TRHDE: variants seen among roughly 807,000 people sequenced by gnomAD.
The protein encoded by TRHDE is thyrotropin-releasing hormone-degrading ectoenzyme.
TRHDE carries 72 observed loss-of-function variants against 125.7 expected under a neutral mutation model. That is an observed-to-expected ratio of 0.57 (90% confidence interval 0.47 to 0.70). The LOEUF is 0.70. Ranked by LOEUF, TRHDE falls within the 30% of genes least tolerant of loss-of-function variation. TRHDE has a pLI of 0.00. For missense variants in TRHDE, 1,110 were observed against 1,327.1 expected (o/e 0.84, Z 2.54); for synonymous variants, 509 against 509.1 (o/e 1.00, Z 0.00).
At chr12:72,479,576 A>C (rs996133834) in intron 5 of TRHDE, among the ~76,000 whole-genome samples, 3 of 152,142 alleles carry the variant, frequency 2.0e-5, no homozygotes, top group African/African-American at 7.2e-5. Context: ...CCTTTCCTAT[A>C]TGAATTTTTA....
At chr12:72,607,598 C>T (rs1472656563) in intron 12 of TRHDE, among the ~76,000 whole-genome samples, 2 of 152,036 alleles carry the variant, frequency 1.3e-5, no homozygotes, top group Non-Finnish European at 2.9e-5. Flanking sequence ...CTAGCATGCT[C>T]CATAGTGACC....
intron 2 of TRHDE, among the ~76,000 whole-genome samples, chr12:72,129,100 A>T (rs1184062741): frequency 2.0e-5 from 3 of 152,228 alleles, no homozygotes; most frequent in Non-Finnish European, 2.9e-5. Flanking sequence ...TTCTCTCTGA[A>T]AACAGTGTAA....
chr12:72,378,497 G>A (rs1156323706), intron 3 of TRHDE, among the ~76,000 whole-genome samples: 1 of 152,130 alleles, frequency 6.6e-6, no homozygotes, highest in African/African-American at 2.4e-5. Context: ...GACCCAGGGA[G>A]TTTTCCATTC....
chr12:72,357,066 T>C (rs971473112), intron 2 of TRHDE, among the ~76,000 whole-genome samples: 11 of 151,560 alleles, frequency 7.3e-5, no homozygotes, highest in Non-Finnish European at 1.3e-4. Context: ...CTTTTATGTA[T>C]ACTTAAAACT....
intron 12 of TRHDE, among the ~76,000 whole-genome samples, chr12:72,600,369 G>A (rs541723651): frequency 3.9e-5 from 6 of 151,986 alleles, no homozygotes; most frequent in East Asian, 1.9e-4. Context: ...TAATGATATC[G>A]ATTCTTCCAA....
intron 7 of TRHDE, among the ~76,000 whole-genome samples, chr12:72,552,719 T>TG: frequency 6.6e-6 from 1 of 152,036 alleles, no homozygotes. Flanking sequence ...AAAGAGTGAA[T>TG]GGGAATGTGG....
chr12:72,401,412 T>C (rs1437695693), intron 3 of TRHDE, among the ~76,000 whole-genome samples: 2 of 152,186 alleles, frequency 1.3e-5, no homozygotes, highest in Non-Finnish European at 2.9e-5. Flanking sequence ...GCAGCTTGCC[T>C]AGAATCACAT....
rs1870248630 is a variant in TRHDE, at chr12:72,562,879, A to G, written c.1881A>G (p.Val627=). 6.3e-7 allele frequency: 1 copy of G among 1,583,392 alleles called. No homozygotes were observed. The highest frequency in any genetic ancestry group is 1.4e-5 in the African/African-American group (1 of 73,580). ...SEALKRNGKY[V]NIQEVMDQWT... ...CTTTAAAAAGAAATGGGAAATATGT[A>G]AATATACAAGAAGTAATGGATCAGT... Residue 627 remains valine (V), a synonymous_variant, in exon 9 of 19, where the codon GTA becomes GTG. Transcript: ENST00000261180.
intron 13 of TRHDE, among the ~76,000 whole-genome samples, chr12:72,619,393 G>T (rs941662432): frequency 2.0e-5 from 3 of 152,082 alleles, no homozygotes; most frequent in Non-Finnish European, 2.9e-5. Flanking sequence ...CAGAATATAG[G>T]CATTTTCAGT....
intron 2 of TRHDE, among the ~76,000 whole-genome samples, chr12:72,328,231 G>T (rs180891915): frequency 4.6e-5 from 7 of 152,154 alleles, no homozygotes; most frequent in East Asian, 1.9e-4. Context: ...TTCTATAAAG[G>T]TTCCCCTTGA....
At chr12:72,596,848 T>A (rs770521893) in intron 12 of TRHDE, among the ~76,000 whole-genome samples, 1 of 152,202 alleles carries the variant, frequency 6.6e-6, no homozygotes, top group Non-Finnish European at 1.5e-5. Flanking sequence ...GAAAACATTT[T>A]AAAAAATCAG....
chr12:72,325,662 T>C (rs1270288330), intron 2 of TRHDE, among the ~76,000 whole-genome samples: 1 of 152,188 alleles, frequency 6.6e-6, no homozygotes. Flanking sequence ...TCTGTGATTT[T>C]AATCAATGTT....
chr12:72,396,203 A>C (rs1407533854), intron 3 of TRHDE, among the ~76,000 whole-genome samples: 1 of 152,248 alleles, frequency 6.6e-6, no homozygotes, highest in East Asian at 1.9e-4. Context: ...TGTTTTAAGC[A>C]AATAAGAAAC....
chr12:72,192,285 T>C (rs1408707768), intron 2 of TRHDE, among the ~76,000 whole-genome samples: 1 of 152,110 alleles, frequency 6.6e-6, no homozygotes, highest in Non-Finnish European at 1.5e-5. Context: ...TCCCAAGTGA[T>C]ATCGATGCTT....
At chr12:72,365,476 C>T (rs545153412) in intron 2 of TRHDE, among the ~76,000 whole-genome samples, 1 of 152,164 alleles carries the variant, frequency 6.6e-6, no homozygotes, top group Middle Eastern at 3.4e-3. Flanking sequence ...TTGTGGGACA[C>T]TTGGAGAAAA....
intron 2 of TRHDE, among the ~76,000 whole-genome samples, chr12:72,353,748 A>T (rs1870688379): frequency 6.6e-6 from 1 of 151,668 alleles, no homozygotes; most frequent in Non-Finnish European, 1.5e-5. Context: ...CCTTACCACA[A>T]TCAAATTTGC....
In TRHDE at chr12:72,665,825, A is replaced by G. The variant is rs34096147; in HGVS notation, c.*2630A>G. ...CATTGAGTATTAAACATTTCCAGGTAACTCGTAAATAAAAAGATTTCCCCA... is the reference window on the plus strand; with the variant it reads ...CATTGAGTATTAAACATTTCCAGGTGACTCGTAAATAAAAAGATTTCCCCA... On this transcript the variant is annotated 3_prime_UTR_variant, in exon 19 of 19. Coordinates refer to ENST00000261180, the MANE Select transcript of TRHDE (RefSeq NM_013381.3). 1 of 152,082 alleles carries G rather than the reference A, an allele frequency of 6.6e-6. No homozygotes were observed. Among genetic ancestry groups the G allele is most frequent in the East Asian group, 1.9e-4 (1 of 5,174 alleles). The allele number at this position is 152,082 out of a possible 1,614,324, so 9.4% of individuals were successfully genotyped here.
intron 2 of TRHDE, among the ~76,000 whole-genome samples, chr12:72,158,955 G>T (rs913082829): frequency 1.3e-5 from 2 of 152,130 alleles, no homozygotes; most frequent in African/African-American, 4.8e-5. Flanking sequence ...GCCAAGTGCT[G>T]AATACCCCTC....
intron 18 of TRHDE, among the ~76,000 whole-genome samples, chr12:72,660,535 C>G (rs773837587): frequency 2.6e-5 from 4 of 152,172 alleles, no homozygotes; most frequent in Non-Finnish European, 5.9e-5. Context: ...GGGCTCACCT[C>G]TTGCCTTCTA....
Sources: allele counts gnomAD v4.1 joint callset (sites outside exome capture counted in the v4.1 genomes callset), GRCh38; gene constraint gnomAD v4.1.1; transcripts MANE v1.5; gene names NCBI Gene and HGNC (gene_info 2026-07-23, HGNC 2026-07-21).